Variants in LINGO2 observed in about 807,000 individuals in gnomAD.
LINGO2 encodes leucine rich repeat and Ig domain containing 2.
A neutral mutation model predicts 30.6 loss-of-function variants in LINGO2; 14 were observed. The ratio of observed to expected loss-of-function variants is 0.46; its 90% confidence interval spans 0.30 to 0.72. LINGO2 has a LOEUF of 0.72. Among genes scored for constraint, LINGO2 ranks in the 30% least tolerant of loss-of-function variants. LINGO2 has a pLI of 0.07. For synonymous variants in LINGO2, 317 were observed against 288.5 expected, an observed-to-expected ratio of 1.10 and a Z score of -1.00; for missense variants, 729 against 751.7, an observed-to-expected ratio of 0.97 and a Z score of 0.35.
At chr9:28,963,897 T>C in the LINGO2 span, among the ~76,000 whole-genome samples, 2 of 151,836 alleles carry the variant, frequency 1.3e-5, no homozygotes, top group Non-Finnish European at 2.9e-5. Context: ...TAATATATTG[T>C]ATATGTCAAA....
At chr9:29,174,341 T>TGTG in the LINGO2 span, among the ~76,000 whole-genome samples, 36 of 152,346 alleles carry the variant, frequency 2.4e-4, no homozygotes, top group Non-Finnish European at 1.3e-4. Flanking sequence ...GCATCCTTCA[T>TGTG]GTGGACCATA....
chr9:29,166,396 G>C, the LINGO2 span, among the ~76,000 whole-genome samples: 1 of 152,026 alleles, frequency 6.6e-6, no homozygotes, highest in Non-Finnish European at 1.5e-5. Context: ...TATATAGAGA[G>C]AAAGACAGAA....
At chr9:27,978,428 G>A (rs528654175) in intron 5 of LINGO2, among the ~76,000 whole-genome samples, 1 of 152,114 alleles carries the variant, frequency 6.6e-6, no homozygotes. Context: ...TAGAACCTTC[G>A]AGAAGTGTTT....
chr9:28,910,116 A>G, the LINGO2 span, among the ~76,000 whole-genome samples: 1 of 152,110 alleles, frequency 6.6e-6, no homozygotes, highest in Non-Finnish European at 1.5e-5. Flanking sequence ...CTCCTATGCT[A>G]CAAGAGTATT....
intron 2 of LINGO2, among the ~76,000 whole-genome samples, chr9:28,436,834 G>A (rs1823963148): frequency 6.6e-6 from 1 of 152,094 alleles, no homozygotes; most frequent in African/African-American, 2.4e-5. Flanking sequence ...GGTAGCAAGA[G>A]GAGGAAGTCC....
intron 4 of LINGO2, among the ~76,000 whole-genome samples, chr9:28,095,896 G>A (rs145635605): frequency 0.029 from 4,472 of 152,148 alleles, 129 homozygotes; most frequent in South Asian, 0.085. Context: ...AAAAGTGGGC[G>A]AAGGACATGA....
intron 2 of LINGO2, among the ~76,000 whole-genome samples, chr9:28,420,642 C>T (rs1405779240): frequency 6.6e-6 from 1 of 151,982 alleles, no homozygotes; most frequent in African/African-American, 2.4e-5. Flanking sequence ...GGTCACAGGG[C>T]TGAACTATAG....
At chr9:29,073,597 T>G in the LINGO2 span, among the ~76,000 whole-genome samples, 1 of 152,198 alleles carries the variant, frequency 6.6e-6, no homozygotes, top group Non-Finnish European at 1.5e-5. Context: ...AACTTATCAT[T>G]TATTTATTAT....
In LINGO2 at chr9:28,609,306, G is replaced by A. The variant is rs528440731; in HGVS notation, c.-365+60894C>T. ...GAAACAGTTCATAATAATATGGTGG[G>A]TGAAAACACACTTCAAACAATGTTC... On this transcript the variant is annotated intron_variant, in intron 1 of 5. Transcript: ENST00000379992. 5.3e-5 allele frequency among the ~76,000 whole-genome samples: 8 copies of A among 151,786 alleles called. No individual in the cohort carries two copies. In the East Asian group the frequency reaches 1.5e-3, roughly 29 times the overall value.
the LINGO2 span, among the ~76,000 whole-genome samples, chr9:29,101,592 T>A: frequency 1.3e-5 from 2 of 152,130 alleles, no homozygotes; most frequent in African/African-American, 4.8e-5. Flanking sequence ...TGGGTAACCA[T>A]CCTTCTATTC....
chr9:28,983,526 A>T, the LINGO2 span, among the ~76,000 whole-genome samples: 19 of 151,920 alleles, frequency 1.3e-4, no homozygotes, highest in African/African-American at 4.6e-4. Flanking sequence ...TTTAGAGCAT[A>T]GTCAAATATT....
At chr9:27,948,545 A>G (rs1823458724) in exon 6 of LINGO2, 1 of 282,954 alleles carries the variant, frequency 3.5e-6, no homozygotes, top group African/African-American at 2.2e-5. Context: ...TTGCAGTGGT[A>G]GAAAATGCTG....
At chr9:28,106,819 A>G (rs1475889469) in intron 4 of LINGO2, among the ~76,000 whole-genome samples, 1 of 152,178 alleles carries the variant, frequency 6.6e-6, no homozygotes, top group Non-Finnish European at 1.5e-5. Context: ...AGCTTTTGGG[A>G]GAATTACATA....
At chr9:29,073,299 T>A in the LINGO2 span, among the ~76,000 whole-genome samples, 1 of 152,108 alleles carries the variant, frequency 6.6e-6, no homozygotes, top group Non-Finnish European at 1.5e-5. Context: ...AAAGACATCG[T>A]TCAGATAATG....
chr9:28,556,071 T>C lies in LINGO2; in HGVS notation c.-364-80046A>G, dbSNP rs189303044. ...ATGGGCAAAAACTGGAAGCATTCCC[T>C]CTGAAAATGGGCACAAGACAGGGAT... On this transcript the variant is annotated intron_variant, in intron 1 of 5. Transcript: ENST00000379992. 9.6e-3 allele frequency among the ~76,000 whole-genome samples: 1,459 copies of C among 152,144 alleles called. 10 individuals carry two copies. The highest frequency in any genetic ancestry group is 0.02 in the Middle Eastern group (6 of 294).
the LINGO2 span, among the ~76,000 whole-genome samples, chr9:28,876,756 G>T: frequency 6.6e-6 from 1 of 152,102 alleles, no homozygotes; most frequent in Non-Finnish European, 1.5e-5. Flanking sequence ...AGTCCTTTGG[G>T]TATATACCCA....
chr9:28,939,229 C>T, the LINGO2 span, among the ~76,000 whole-genome samples: 7 of 151,984 alleles, frequency 4.6e-5, no homozygotes, highest in East Asian at 3.9e-4. Context: ...AAAGTGACAA[C>T]GAAGAGAACA....
chr9:28,189,152 C>T (rs1819653192), intron 4 of LINGO2, among the ~76,000 whole-genome samples: 3 of 151,452 alleles, frequency 2.0e-5, no homozygotes, highest in Admixed American at 2.0e-4. Context: ...TACACCTTTC[C>T]AAACCACTCA....
At position 28,313,627 on chromosome 9, in the gene LINGO2, T is replaced by G. The variant is rs79392980; in HGVS notation, c.-245-18261A>C. ...AGATTGTTAGGCAGAGAGGCTGGAT[T>G]CTCTCAGAATCACCCTCAAACTTAT... On this transcript the variant is annotated intron_variant, in intron 3 of 5. Coordinates refer to ENST00000379992, the Ensembl canonical transcript of LINGO2. 0.016 allele frequency among the ~76,000 whole-genome samples: 2,460 copies of G among 152,248 alleles called. 149 individuals carry two copies. In the East Asian group the frequency reaches 0.2, roughly 12 times the overall value.
Sources: allele counts gnomAD v4.1 joint callset (sites outside exome capture counted in the v4.1 genomes callset), GRCh38; gene constraint gnomAD v4.1.1; transcripts MANE v1.5; gene names NCBI Gene and HGNC (gene_info 2026-07-23, HGNC 2026-07-21).